The following PCSK6 variants were observed in gnomAD, a reference collection of about 807,000 sequenced individuals.
The protein encoded by PCSK6 is paired basic amino acid cleaving enzyme 4.
A neutral mutation model predicts 123.3 loss-of-function variants in PCSK6; 85 were observed. That is an observed-to-expected ratio of 0.69 (90% CI 0.58 to 0.83). The LOEUF (loss-of-function observed/expected upper bound fraction) is 0.83. Among genes scored for constraint, PCSK6 ranks in the 40% least tolerant of loss-of-function variants. The pLI, the probability that PCSK6 is intolerant of heterozygous loss-of-function variation, is 0.00. For missense variants in PCSK6, 1,191 were observed against 1,282.3 expected, an observed-to-expected ratio of 0.93 and a Z score of 1.09; for synonymous variants, 508 against 516.0, an observed-to-expected ratio of 0.98 and a Z score of 0.21.
At chr15:101,344,802 C>G (rs1404122602) in intron 13 of PCSK6, among the ~76,000 whole-genome samples, 2 of 152,144 alleles carry the variant, frequency 1.3e-5, no homozygotes, top group Non-Finnish European at 2.9e-5. Context: ...CTATTAGGCA[C>G]ACACCACCAC....
chr15:101,412,997 A>G (rs62018991), intron 6 of PCSK6, among the ~76,000 whole-genome samples: 22,265 of 132,868 alleles, frequency 0.17, 1,975 homozygotes, highest in Non-Finnish European at 0.2. Context: ...CTAATAATGG[A>G]GGAGGAGTGA....
chr15:101,403,201 C>T (rs1469976218), intron 6 of PCSK6, among the ~76,000 whole-genome samples: 2 of 140,624 alleles, frequency 1.4e-5, no homozygotes, highest in Admixed American at 1.6e-4. Context: ...TGTTCTCACT[C>T]ATAGGTGGGA....
intron 1 of PCSK6, among the ~76,000 whole-genome samples, chr15:101,474,857 A>AC (rs1312980026): frequency 2.0e-5 from 3 of 151,522 alleles, no homozygotes; most frequent in Non-Finnish European, 4.4e-5. Context: ...GTACCTCAAC[A>AC]CCCTCTGTTG....
chr15:101,410,949 G>A (rs2055659829), intron 6 of PCSK6, among the ~76,000 whole-genome samples: 1 of 152,216 alleles, frequency 6.6e-6, no homozygotes. Context: ...TCGGCAAGAG[G>A]TGTCACCATC....
chr15:101,435,454 A>G (rs2056572603), intron 2 of PCSK6, among the ~76,000 whole-genome samples: 1 of 152,250 alleles, frequency 6.6e-6, no homozygotes, highest in Non-Finnish European at 1.5e-5. Context: ...TGCCACTTCT[A>G]GCCCAAACAG....
In PCSK6 at chr15:101,352,212, A is replaced by G. The variant is rs943388680; in HGVS notation, c.1858+13984T>C. On this transcript the variant is annotated intron_variant, in intron 13 of 21. Transcript: ENST00000611716. ...GCCCAGGCTGGAGTGCAGTGGTGCA[A>G]TCTCAGCTCACTGCAAGCTCTGCCT... Among the ~76,000 whole-genome samples, 3 of 139,534 alleles carry G rather than the reference A, an allele frequency of 2.2e-5. No homozygotes were observed. In the South Asian group the frequency reaches 6.5e-4, roughly 30 times the overall value. The allele number at this position is 139,534 out of a possible 152,430, so 91.5% of individuals were successfully genotyped here. A position where few individuals can be genotyped will look rare whatever the true frequency, so the allele number is the denominator to read the frequency against.
intron 1 of PCSK6, among the ~76,000 whole-genome samples, chr15:101,465,636 C>T (rs1294451556): frequency 6.6e-6 from 1 of 151,920 alleles, no homozygotes; most frequent in Non-Finnish European, 1.5e-5. Context: ...TAAACAAGAA[C>T]AGAGGAAGCG....
Position 101,398,883 on chromosome 15 carries a change from C to CTATTATTATTATTATTATTAT in PCSK6, c.824-328_824-308dup, listed in dbSNP as rs199661913. Among the ~76,000 whole-genome samples the CTATTATTATTATTATTATTAT allele has an allele frequency of 1.3e-5, 2 of 150,596 alleles. No individual in the cohort carries two copies. Among genetic ancestry groups the CTATTATTATTATTATTATTAT allele is most frequent in the Admixed American group, 6.6e-5 (1 of 15,120 alleles). On this transcript the variant is annotated intron_variant, in intron 6 of 21. Coordinates refer to ENST00000611716, the MANE Select transcript of PCSK6 (RefSeq NM_002570.5). The surrounding 1 kb of genome is among the most constrained non-coding windows in gnomAD (Gnocchi z 4.6). ...TGTTTTTTATTTTAAAAAACAAGAC[C>CTATTATTATTATTATTATTAT]TATTATTATTATTATTATTATTTAT...
chr15:101,307,301 A>C lies in PCSK6; in HGVS notation c.2724T>G (p.Cys908Trp). ...CRRCDENCLSCAGSSRNCSRC... is the reference protein window; with the variant it reads ...CRRCDENCLSWAGSSRNCSRC... ...TGCTACAGTTCCTGCTGGAGCCTGC[A>C]CAGCTCAAGCAGTTCTCGTCACACC... is the stretch of plus-strand genomic sequence containing the variant. The change falls in exon 21 of 22, where the codon TGT (cysteine) becomes TGG (tryptophan). Residue 908 changes from cysteine to tryptophan, a missense_variant. Around this residue, in one of 3 missense-constraint regions of PCSK6, gnomAD observed 630 missense variants for 631.4 expected, o/e 1.00. Coordinates refer to ENST00000611716, the MANE Select transcript of PCSK6 (RefSeq NM_002570.5). 1 of 1,613,436 alleles carries C rather than the reference A, an allele frequency of 6.2e-7. No homozygotes were observed. The highest frequency in any genetic ancestry group is 1.1e-5 in the South Asian group (1 of 90,992).
At chr15:101,487,395 C>T (rs965123655) in intron 1 of PCSK6, among the ~76,000 whole-genome samples, 3 of 152,218 alleles carry the variant, frequency 2.0e-5, no homozygotes, top group African/African-American at 7.2e-5. Context: ...GAGTGTGCAT[C>T]GGGGCGAATC....
At position 101,393,294 on chromosome 15, in the gene PCSK6, C is replaced by T; in HGVS notation, c.1127G>A (p.Gly376Asp). The T allele has an allele frequency of 1.2e-6, 2 of 1,612,920 alleles. No individual in the cohort carries two copies. Among genetic ancestry groups the T allele is most frequent in the Non-Finnish European group, 1.7e-6 (2 of 1,179,514 alleles). ...CTCTTCCAGGTACCAGGGCTTGTAG[C>T]CATTCTCGGTGGCGCTGCTGACGGA... ...TISVSSATEN[G>D]YKPWYLEECA... Residue 376 changes from glycine (G) to aspartate (D), a missense_variant, in exon 8 of 22, where the codon GGC (glycine) becomes GAC (aspartate). Gly to Asp is a moderately conservative substitution (Grantham distance 94). Transcript: ENST00000611716.
rs141654847 is a variant in PCSK6 at position 101,379,688 on chromosome 15, G to C, written c.1532+2404C>G. Reference sequence around the variant, plus strand: ...CTGGACCCACAAACGTGCACGGAGAGGGGGCAGTTAGAAGAAGACGGGAAA... The same window carrying C: ...CTGGACCCACAAACGTGCACGGAGACGGGGCAGTTAGAAGAAGACGGGAAA... On this transcript the variant is annotated intron_variant, in intron 11 of 21. Transcript: ENST00000611716. Among the ~76,000 whole-genome samples, 44 of 152,338 alleles carry C rather than the reference G, an allele frequency of 2.9e-4. No individual in the cohort carries two copies. In the East Asian group the frequency reaches 8.3e-3, roughly 29 times the overall value.
At chr15:101,419,535 G>T in intron 6 of PCSK6, among the ~76,000 whole-genome samples, 1 of 112,784 alleles carries the variant, frequency 8.9e-6, no homozygotes, top group Non-Finnish European at 1.9e-5. Context: ...ATCCCAACAG[G>T]GCTTTTTTTT....
In PCSK6 at chr15:101,331,878, A is replaced by C. The variant is rs770448462; in HGVS notation, c.2012T>G (p.Val671Gly). The change falls in exon 14 of 22, where the codon GTT (valine) becomes GGT (glycine). Residue 671 changes from valine to glycine, a missense_variant. Val to Gly is a moderately radical substitution (Grantham distance 109). Transcript: ENST00000611716. ...KAALSPSQVE[V>G]PEDEEDYTAQ... ...TGTGTAATCTTCCTCATCTTCAGGA[A>C]CTTCCACCTGGGAGGGTGACAGGGC... is the stretch of plus-strand genomic sequence containing the variant. The C allele has an allele frequency of 9.3e-6, 15 of 1,613,058 alleles. No individual in the cohort carries two copies. In the Admixed American group the frequency reaches 2.5e-4, roughly 27 times the overall value.
At chr15:101,420,064 A>G (rs1221137661) in intron 6 of PCSK6, among the ~76,000 whole-genome samples, 1 of 151,760 alleles carries the variant, frequency 6.6e-6, no homozygotes, top group Non-Finnish European at 1.5e-5. Context: ...GGTGGTGGGC[A>G]CCTGTAATCC....
chr15:101,376,529 G>T (rs2041748205), intron 11 of PCSK6, among the ~76,000 whole-genome samples: 1 of 152,180 alleles, frequency 6.6e-6, no homozygotes, highest in Non-Finnish European at 1.5e-5. Context: ...TGTGACCGGA[G>T]GCTCACAGGA....
chr15:101,349,632 C>T lies in PCSK6; in HGVS notation c.1858+16564G>A, dbSNP rs548646275. 1.1e-4 allele frequency among the ~76,000 whole-genome samples: 17 copies of T among 152,234 alleles called. No homozygotes were observed. In the South Asian group the frequency reaches 3.5e-3, roughly 32 times the overall value. ...AGAGGAGCCTGGGCTTCTGTGACAA[C>T]CTACACAGGCTGCGTGAGAAATTTC... On this transcript the variant is annotated intron_variant, in intron 13 of 21. Coordinates refer to ENST00000611716, the MANE Select transcript of PCSK6 (RefSeq NM_002570.5).
intron 7 of PCSK6, among the ~76,000 whole-genome samples, 154 bp from the exon 8 acceptor site, chr15:101,393,578 G>T (rs1258069591): frequency 6.6e-6 from 1 of 152,186 alleles, no homozygotes; most frequent in East Asian, 1.9e-4. Context: ...GCATGGTTTT[G>T]GGGGCTCTGT....
intron 1 of PCSK6, among the ~76,000 whole-genome samples, chr15:101,479,592 G>A (rs1393237562): frequency 2.0e-5 from 3 of 152,218 alleles, no homozygotes; most frequent in Non-Finnish European, 2.9e-5. Flanking sequence ...TGCATGCAGA[G>A]GCTGGTGGGA....
Sources: gnomAD v4.1 joint callset for allele counts (sites outside exome capture counted in the v4.1 genomes callset) on GRCh38, gnomAD v4.1.1 for gene constraint, gnomAD v4.1.1 regional missense constraint, Gnocchi (gnomAD v3.1) non-coding constraint, MANE v1.5 for transcripts, NCBI Gene and HGNC (gene_info 2026-07-23, HGNC 2026-07-21) for gene names.